Variants in SP140L observed in about 807,000 individuals in gnomAD.
SP140L encodes the protein nuclear body protein SP140-like protein.
SP140L carries 64 observed loss-of-function variants against 84.3 expected under a neutral mutation model. The ratio of observed to expected loss-of-function variants is 0.76; its 90% confidence interval spans 0.62 to 0.94. The LOEUF (loss-of-function observed/expected upper bound fraction) is 0.94. SP140L is among the 40% of genes least tolerant of loss of function. The probability of loss-of-function intolerance (pLI) is 0.00; values close to 1 mark genes in which losing one functional copy is unlikely to be tolerated. For missense variants in SP140L, 628 were observed against 692.5 expected (o/e 0.91, Z 1.05); for synonymous variants, 242 against 236.9 (o/e 1.02, Z -0.20).
chr2:230,366,932 C>T (rs931958318), intron 5 of SP140L, among the ~76,000 whole-genome samples: 2 of 151,872 alleles, frequency 1.3e-5, no homozygotes, highest in African/African-American at 4.8e-5. Context: ...GGGGTTTCAC[C>T]ATGTTACCCA....
chr2:230,327,607 T>C lies in SP140L; in HGVS notation c.32+306T>C, dbSNP rs551517657. Among the ~76,000 whole-genome samples, 225 of 152,186 alleles carry C rather than the reference T, an allele frequency of 1.5e-3. 1 individual carries two copies. Among genetic ancestry groups the C allele is most frequent in the Non-Finnish European group, 2.0e-3 (134 of 68,018 alleles). On this transcript the variant is annotated intron_variant, in intron 1 of 18. Transcript: ENST00000415673. ...TTCAGTCATTTGTGACTGAGAGTTA[T>C]TATTTCCTCATGAGAATGAGGAACA...
At chr2:230,359,165 C>T (rs537730753) in intron 4 of SP140L, 33 bp downstream of exon 4, 17 of 1,590,356 alleles carry the variant, frequency 1.1e-5, no homozygotes, top group Middle Eastern at 1.7e-4. Context: ...TTTTGATTTC[C>T]GGGGCCAATT....
chr2:230,385,135 C>A, intron 8 of SP140L, 89 bp from the exon 9 acceptor site: 1 of 1,331,542 alleles, frequency 7.5e-7, no homozygotes, highest in South Asian at 1.3e-5. Flanking sequence ...CAGAGTGAAA[C>A]CCAGGACTCC....
At chr2:230,346,746 A>G (rs936147705) in intron 2 of SP140L, among the ~76,000 whole-genome samples, 1 of 151,566 alleles carries the variant, frequency 6.6e-6, no homozygotes, top group African/African-American at 2.4e-5. Context: ...AATGGTTCCT[A>G]TTTTTTATTG....
intron 4 of SP140L, among the ~76,000 whole-genome samples, chr2:230,360,188 A>T (rs2060672616): frequency 6.6e-6 from 1 of 152,218 alleles, no homozygotes; most frequent in South Asian, 2.1e-4. Flanking sequence ...GGTGGATGCT[A>T]TGGGGACTGG....
At chr2:230,361,863 G>A (rs1018526259) in intron 5 of SP140L, among the ~76,000 whole-genome samples, 166 bp downstream of exon 5, 2 of 152,164 alleles carry the variant, frequency 1.3e-5, no homozygotes, top group African/African-American at 4.8e-5. Context: ...TCAGATGCAG[G>A]GTCCTGGAGA....
chr2:230,347,050 G>A (rs573435697), intron 2 of SP140L, among the ~76,000 whole-genome samples: 1 of 152,310 alleles, frequency 6.6e-6, no homozygotes, highest in African/African-American at 2.4e-5. Flanking sequence ...TTAGTAGTCA[G>A]TGTTTCCTGG....
chr2:230,358,502 T>C (rs1329503350), intron 3 of SP140L, among the ~76,000 whole-genome samples: 1 of 152,184 alleles, frequency 6.6e-6, no homozygotes, highest in African/African-American at 2.4e-5. Context: ...GCGAGTCATC[T>C]CTGGCTATGA....
intron 2 of SP140L, among the ~76,000 whole-genome samples, chr2:230,331,998 A>G (rs2059737932): frequency 6.6e-6 from 1 of 151,852 alleles, no homozygotes; most frequent in Non-Finnish European, 1.5e-5. Context: ...TCAGTGTAAT[A>G]CTGAATAGCA....
chr2:230,327,519 C>T (rs1429481249), intron 1 of SP140L, among the ~76,000 whole-genome samples: 2 of 152,222 alleles, frequency 1.3e-5, no homozygotes, highest in Admixed American at 1.3e-4. Context: ...CTTGCCATAA[C>T]ACAGATGACT....
chr2:230,341,478 T>A lies in SP140L; in HGVS notation c.107+12647T>A, dbSNP rs562173667. On this transcript the variant is annotated intron_variant, in intron 2 of 18. Transcript: ENST00000415673. ...CAGAGTAATTTGATCGTCTGAAGCC[T>A]TCTTCTCTCAGCTCGTCAAAGTCAT... is the stretch of plus-strand genomic sequence containing the variant. Among the ~76,000 whole-genome samples the A allele has an allele frequency of 1.6e-3, 242 of 147,382 alleles. 2 individuals are homozygous for A. Among genetic ancestry groups the A allele is most frequent in the Admixed American group, 3.0e-3 (44 of 14,664 alleles).
intron 2 of SP140L, among the ~76,000 whole-genome samples, chr2:230,336,587 T>C (rs2059889535): frequency 6.6e-6 from 1 of 152,228 alleles, no homozygotes; most frequent in Non-Finnish European, 1.5e-5. Flanking sequence ...TTTAATGTAC[T>C]GAAACAAGTT....
intron 7 of SP140L, among the ~76,000 whole-genome samples, chr2:230,377,319 T>G (rs992378471): frequency 5.3e-5 from 8 of 152,022 alleles, no homozygotes; most frequent in Non-Finnish European, 1.0e-4. Flanking sequence ...ACCCAGGTTG[T>G]TTTTTTTAAA....
chr2:230,381,353 T>C (rs1016872475), intron 7 of SP140L, among the ~76,000 whole-genome samples: 3 of 152,170 alleles, frequency 2.0e-5, no homozygotes, highest in African/African-American at 4.8e-5. Context: ...ACATGATCTC[T>C]AGCTTCCAAG....
intron 13 of SP140L, among the ~76,000 whole-genome samples, chr2:230,395,935 G>A (rs1402527188): frequency 6.6e-6 from 1 of 152,246 alleles, no homozygotes; most frequent in African/African-American, 2.4e-5. Flanking sequence ...AGAGGACCTT[G>A]GAGTCATTTT....
intron 2 of SP140L, among the ~76,000 whole-genome samples, chr2:230,354,403 G>T (rs1484858231): frequency 6.6e-6 from 1 of 152,186 alleles, no homozygotes; most frequent in African/African-American, 2.4e-5. Flanking sequence ...AGGTAGGAAA[G>T]TCATATGACT....
At chr2:230,328,521 A>G (rs1029275259) in intron 1 of SP140L, among the ~76,000 whole-genome samples, 1 of 152,236 alleles carries the variant, frequency 6.6e-6, no homozygotes, top group Non-Finnish European at 1.5e-5. Flanking sequence ...TTTTACATAT[A>G]CTATTCCATA....
intron 6 of SP140L, 131 bp downstream of exon 6, chr2:230,371,098 A>G: frequency 1.4e-6 from 1 of 731,176 alleles, no homozygotes; most frequent in Non-Finnish European, 2.4e-6. Context: ...GCCTTTGGGG[A>G]ACTGCAGAGA....
chr2:230,327,939 T>C (rs1168265640), intron 1 of SP140L, among the ~76,000 whole-genome samples: 3 of 152,208 alleles, frequency 2.0e-5, no homozygotes, highest in Non-Finnish European at 4.4e-5. Flanking sequence ...AAGCTAAATA[T>C]TTTTATTTTT....
Sources: allele counts gnomAD v4.1 joint callset (sites outside exome capture counted in the v4.1 genomes callset), GRCh38; gene constraint gnomAD v4.1.1; transcripts MANE v1.5; gene names NCBI Gene and HGNC (gene_info 2026-07-23, HGNC 2026-07-21).